LRP1B: variants seen among roughly 807,000 people sequenced by gnomAD.
LRP1B encodes the protein low-density lipoprotein receptor-related protein 1B.
In LRP1B, 217 loss-of-function variants were observed where a neutral mutation model predicts 556.6. That is an observed-to-expected ratio of 0.39 (90% CI 0.35 to 0.44). The LOEUF (loss-of-function observed/expected upper bound fraction) is 0.44, where lower values mean the gene tolerates loss of function less well. LRP1B is among the 20% of genes least tolerant of loss of function. The probability of loss-of-function intolerance (pLI) is 1.00; values close to 1 mark genes in which losing one functional copy is unlikely to be tolerated. For synonymous variants in LRP1B, 2,047 were observed against 1,865.8 expected, an observed-to-expected ratio of 1.10 and a Z score of -2.50; for missense variants, 5,053 against 5,620.8, an observed-to-expected ratio of 0.90 and a Z score of 3.23.
At chr2:140,963,226 G>A (rs1696090753) in intron 18 of LRP1B, among the ~76,000 whole-genome samples, 1 of 149,590 alleles carries the variant, frequency 6.7e-6, no homozygotes, top group African/African-American at 2.5e-5. Context: ...AAGGATTTCA[G>A]AAATGTTGCT....
intron 35 of LRP1B, among the ~76,000 whole-genome samples, chr2:140,759,184 A>AT: frequency 6.6e-6 from 1 of 152,172 alleles, no homozygotes; most frequent in Admixed American, 6.5e-5. Context: ...TTTTTTTAAA[A>AT]AATAGCCTAT....
intron 18 of LRP1B, among the ~76,000 whole-genome samples, chr2:140,963,201 T>TA (rs1459785428): frequency 6.6e-6 from 1 of 151,894 alleles, no homozygotes; most frequent in African/African-American, 2.4e-5. Context: ...ATAATAAATT[T>TA]AATATTAACC....
chr2:140,682,675 C>CGTGTGT (rs112723393), intron 41 of LRP1B, among the ~76,000 whole-genome samples: 93,599 of 149,358 alleles, frequency 0.63, 31,446 homozygotes, highest in Non-Finnish European at 0.78. Context: ...GAGAGTATTG[C>CGTGTGT]GTGTGTGTGT....
At chr2:140,934,704 T>A (rs567414804) in intron 20 of LRP1B, among the ~76,000 whole-genome samples, 1 of 152,252 alleles carries the variant, frequency 6.6e-6, no homozygotes, top group East Asian at 1.9e-4. Flanking sequence ...CTTTGATTAC[T>A]GACTGTTGTC....
intron 68 of LRP1B, among the ~76,000 whole-genome samples, chr2:140,377,349 A>G (rs1409553301): frequency 6.6e-6 from 1 of 152,170 alleles, no homozygotes; most frequent in Non-Finnish European, 1.5e-5. Context: ...TGCTAGGATT[A>G]CAGGCGTAAG....
chr2:141,746,870 G>A (rs1007967188), intron 2 of LRP1B, among the ~76,000 whole-genome samples: 4 of 152,022 alleles, frequency 2.6e-5, no homozygotes, highest in Admixed American at 1.3e-4. Context: ...AGGTGTGGCC[G>A]CTAAAATACA....
At chr2:141,630,094 G>GTAGCTTAA (rs1558765956) in intron 2 of LRP1B, among the ~76,000 whole-genome samples, 1 of 152,186 alleles carries the variant, frequency 6.6e-6, no homozygotes, top group African/African-American at 2.4e-5. Context: ...ACCCACAGAA[G>GTAGCTTAA]TAGCTTAATG....
At chr2:140,257,302 CAAAAT>C (rs1558930488) in intron 86 of LRP1B, among the ~76,000 whole-genome samples, 1 of 151,924 alleles carries the variant, frequency 6.6e-6, no homozygotes, top group East Asian at 1.9e-4. Flanking sequence ...CTAATAAAGA[CAAAAT>C]AAATGGATAA....
chr2:141,670,597 A>C (rs12691618), intron 2 of LRP1B, among the ~76,000 whole-genome samples: 1 of 152,020 alleles, frequency 6.6e-6, no homozygotes, highest in Non-Finnish European at 1.5e-5. Context: ...ACAATGTGAC[A>C]GGCTGGTATG....
chr2:140,692,921 C>G (rs1686296685), intron 41 of LRP1B, among the ~76,000 whole-genome samples: 1 of 152,000 alleles, frequency 6.6e-6, no homozygotes, highest in Non-Finnish European at 1.5e-5. Flanking sequence ...CATATTTGCA[C>G]CATTAAAATA....
intron 2 of LRP1B, among the ~76,000 whole-genome samples, chr2:141,674,969 G>C (rs527379118): frequency 6.6e-6 from 1 of 152,052 alleles, no homozygotes; most frequent in East Asian, 1.9e-4. Context: ...TTTTGTTTCT[G>C]TTGGTAACTT....
intron 2 of LRP1B, among the ~76,000 whole-genome samples, chr2:141,757,557 A>G (rs947646592): frequency 1.3e-5 from 2 of 151,236 alleles, no homozygotes; most frequent in Non-Finnish European, 2.9e-5. Flanking sequence ...TAATCAAACT[A>G]TAACTAATTT....
At chr2:140,966,322 A>C (rs536915694) in intron 18 of LRP1B, among the ~76,000 whole-genome samples, 1 of 152,226 alleles carries the variant, frequency 6.6e-6, no homozygotes, top group African/African-American at 2.4e-5. Flanking sequence ...GCATTTTTTC[A>C]CATGTCTGTG....
chr2:141,621,513 A>C (rs1199459853), intron 2 of LRP1B, among the ~76,000 whole-genome samples: 1 of 152,208 alleles, frequency 6.6e-6, no homozygotes, highest in African/African-American at 2.4e-5. Context: ...TGAAATTACG[A>C]TATATTCCCT....
At chr2:140,965,575 CTT>C (rs1304732278) in intron 18 of LRP1B, among the ~76,000 whole-genome samples, 1 of 151,842 alleles carries the variant, frequency 6.6e-6, no homozygotes. Flanking sequence ...TTTTATTAGA[CTT>C]TAAGTTCTAG....
intron 3 of LRP1B, among the ~76,000 whole-genome samples, chr2:141,448,854 A>C (rs1165732813): frequency 1.3e-5 from 2 of 152,226 alleles, no homozygotes; most frequent in African/African-American, 4.8e-5. Flanking sequence ...CCATCTTGCC[A>C]TCCACCCAAT....
At chr2:141,998,357 A>G (rs1702557322) in intron 1 of LRP1B, among the ~76,000 whole-genome samples, 1 of 152,176 alleles carries the variant, frequency 6.6e-6, no homozygotes, top group African/African-American at 2.4e-5. Context: ...ACCATATGCT[A>G]TTACCAGACA....
At chr2:141,332,427 T>C (rs1276296841) in intron 3 of LRP1B, among the ~76,000 whole-genome samples, 1 of 149,146 alleles carries the variant, frequency 6.7e-6, no homozygotes, top group South Asian at 2.1e-4. Flanking sequence ...CTGACAGGGA[T>C]TGCTTCTCCC....
At chr2:141,722,751 T>C (rs1321958387) in intron 2 of LRP1B, among the ~76,000 whole-genome samples, 1 of 151,856 alleles carries the variant, frequency 6.6e-6, no homozygotes, top group African/African-American at 2.4e-5. Flanking sequence ...GATAGATAGA[T>C]AGATAGATAG....
Sources: gnomAD v4.1 joint callset for allele counts (sites outside exome capture counted in the v4.1 genomes callset) on GRCh38, gnomAD v4.1.1 for gene constraint, MANE v1.5 for transcripts, NCBI Gene and HGNC (gene_info 2026-07-23, HGNC 2026-07-21) for gene names.